Variants in HDLBP observed in about 807,000 individuals in gnomAD.
HDLBP encodes the protein high density lipoprotein binding protein.
A neutral mutation model predicts 137.3 loss-of-function variants in HDLBP; 30 were observed. The observed-to-expected ratio is 0.22, with a 90% CI of 0.16 to 0.30. The LOEUF (loss-of-function observed/expected upper bound fraction) is 0.30, where lower values mean the gene tolerates loss of function less well. Among genes scored for constraint, HDLBP ranks in the 10% least tolerant of loss-of-function variants. The pLI is 1.00. For missense variants in HDLBP, 1,119 were observed against 1,667.3 expected (o/e 0.67, Z 5.73); for synonymous variants, 606 against 596.0 (o/e 1.02, Z -0.24).
At chr2:241,231,537 T>C (rs2149321568) in intron 24 of HDLBP, among the ~76,000 whole-genome samples, 1 of 152,218 alleles carries the variant, frequency 6.6e-6, no homozygotes, top group South Asian at 2.1e-4. Context: ...CAGGCAAGAA[T>C]TCTGGACTCA....
chr2:241,270,802 G>A (rs956418138), intron 1 of HDLBP, among the ~76,000 whole-genome samples: 2 of 152,182 alleles, frequency 1.3e-5, no homozygotes, highest in Non-Finnish European at 2.9e-5. Context: ...CCAGGACAGC[G>A]CCAGGCAACT....
At chr2:241,298,282 C>T (rs985079030) in intron 1 of HDLBP, among the ~76,000 whole-genome samples, 72 of 151,944 alleles carry the variant, frequency 4.7e-4, no homozygotes, top group Non-Finnish European at 7.2e-4. Context: ...AGGAGAATCG[C>T]TTGAACCCGG....
At chr2:241,289,450 G>T (rs2074937716) in intron 1 of HDLBP, among the ~76,000 whole-genome samples, 1 of 152,152 alleles carries the variant, frequency 6.6e-6, no homozygotes, top group Admixed American at 6.5e-5. Context: ...ACGAATACAA[G>T]CACAACGTCC....
At chr2:241,309,489 G>A (rs1365964119) in intron 1 of HDLBP, among the ~76,000 whole-genome samples, 1 of 152,158 alleles carries the variant, frequency 6.6e-6, no homozygotes, top group East Asian at 1.9e-4. Context: ...AATACTGGAG[G>A]CTAGAAACTG....
At chr2:241,254,677 G>C (rs2072473990) in intron 9 of HDLBP, among the ~76,000 whole-genome samples, 1 of 151,950 alleles carries the variant, frequency 6.6e-6, no homozygotes, top group African/African-American at 2.4e-5. Context: ...GTAGAGTCGG[G>C]GTTTCACCAT....
At position 241,262,674 on chromosome 2, in the gene HDLBP, A is replaced by G. The variant is rs750855390; in HGVS notation, c.450+37T>C. The G allele has an allele frequency of 6.7e-6, 10 of 1,499,196 alleles. 1 individual carries two copies. Among genetic ancestry groups the G allele is most frequent in the Non-Finnish European group, 9.3e-6 (10 of 1,076,670 alleles). The allele number at this position is 1,499,196 out of a possible 1,614,324, so 92.9% of individuals were successfully genotyped here. A position where few individuals can be genotyped will look rare whatever the true frequency, so the allele number is the denominator to read the frequency against. On this transcript the variant is annotated intron_variant, in intron 5 of 27. Transcript: ENST00000310931. ...AGGAGCCGGGTAATGGAACGGGTAC[A>G]CAGTCACTGGGGAGAAGTAGGCCTC...
intron 16 of HDLBP, 83 bp downstream of exon 16, chr2:241,246,669 T>C: frequency 3.6e-6 from 5 of 1,383,886 alleles, no homozygotes; most frequent in Non-Finnish European, 5.0e-6. Flanking sequence ...CCAATGACCC[T>C]GCGTGACTCA....
At chr2:241,267,156 G>T (rs561710593) in intron 2 of HDLBP, among the ~76,000 whole-genome samples, 1 of 152,134 alleles carries the variant, frequency 6.6e-6, no homozygotes, top group Non-Finnish European at 1.5e-5. Flanking sequence ...GGGCCACAAT[G>T]CAAGAAGAAT....
intron 21 of HDLBP, among the ~76,000 whole-genome samples, chr2:241,235,858 G>C (rs917268180): frequency 2.0e-5 from 3 of 152,192 alleles, no homozygotes; most frequent in Non-Finnish European, 4.4e-5. Flanking sequence ...TCAGGCCCAC[G>C]TAGGAGGAGA....
intron 2 of HDLBP, chr2:241,267,983 C>T: frequency 1.4e-6 from 1 of 697,886 alleles, no homozygotes; most frequent in Non-Finnish European, 1.7e-6. Context: ...TGTTAGCTTC[C>T]TCTCCTTCCC....
At chr2:241,247,006 C>G in intron 15 of HDLBP, 50 bp downstream of exon 15, 5 of 1,562,194 alleles carry the variant, frequency 3.2e-6, no homozygotes, top group Non-Finnish European at 4.4e-6. Context: ...TGGTGCAGGG[C>G]TACAGAGGAC....
At position 241,272,762 on chromosome 2, in the gene HDLBP, C is replaced by T. The variant is rs2305077; in HGVS notation, c.-102-4221G>A. 52,198 of 308,434 alleles carry T rather than the reference C, an allele frequency of 0.17. 5,150 individuals are homozygous for T. Among genetic ancestry groups the T allele is most frequent in the East Asian group, 0.41 (2,203 of 5,428 alleles). The allele number at this position is 308,434 out of a possible 1,614,324, so 19.1% of individuals were successfully genotyped here. A position where few individuals can be genotyped will look rare whatever the true frequency, so the allele number is the denominator to read the frequency against. ...CCCAGCCCCGTGTTGCGCGCTCACTCGTGGGCCCCCGCCCGCTGGTCCTGC... is the reference window on the plus strand; with the variant it reads ...CCCAGCCCCGTGTTGCGCGCTCACTTGTGGGCCCCCGCCCGCTGGTCCTGC... On this transcript the variant is annotated intron_variant, in intron 1 of 27. Transcript: ENST00000310931. This position sits in a 1 kb window ranked among gnomAD's most constrained non-coding sequence, Gnocchi z 5.6.
rs376876733 is a variant in HDLBP, at chr2:241,229,976, C to T, written c.3592-15G>A. 38 of 1,587,724 alleles carry T rather than the reference C, an allele frequency of 2.4e-5. No homozygotes were observed. The African/African-American group carries it at 4.4e-4, about 19-fold the overall frequency. On this transcript the variant is annotated splice_polypyrimidine_tract_variant and intron_variant, in intron 26 of 27. Coordinates refer to ENST00000310931, the MANE Select transcript of HDLBP (RefSeq NM_005336.6). ...ACGTCAGCTAGCTGCAGGCAGAAGACAGGAAGACAGGGTCAGTCTGCCCAG... is the reference window on the plus strand; with the variant it reads ...ACGTCAGCTAGCTGCAGGCAGAAGATAGGAAGACAGGGTCAGTCTGCCCAG...
At chr2:241,313,736 G>A (rs1162315543) in intron 1 of HDLBP, among the ~76,000 whole-genome samples, 1 of 152,168 alleles carries the variant, frequency 6.6e-6, no homozygotes, top group East Asian at 1.9e-4. Flanking sequence ...GGAAAAATAC[G>A]TATTTACTCA....
At chr2:241,300,062 A>G (rs1284795396) in intron 1 of HDLBP, among the ~76,000 whole-genome samples, 1 of 151,038 alleles carries the variant, frequency 6.6e-6, no homozygotes, top group Non-Finnish European at 1.5e-5. Flanking sequence ...AAACTTCATA[A>G]AAGATTTTTT....
At chr2:241,290,746 T>C (rs1283937436) in intron 1 of HDLBP, among the ~76,000 whole-genome samples, 1 of 152,228 alleles carries the variant, frequency 6.6e-6, no homozygotes, top group Admixed American at 6.5e-5. Flanking sequence ...TGCATGTTTA[T>C]TATACCTCAA....
intron 1 of HDLBP, among the ~76,000 whole-genome samples, chr2:241,281,019 CTAAT>C (rs1227923974): frequency 6.6e-6 from 1 of 152,266 alleles, no homozygotes; most frequent in Middle Eastern, 3.4e-3. Flanking sequence ...TACTTAGAGC[CTAAT>C]TAAAGAACAT....
chr2:241,229,555 T>G lies in HDLBP; in HGVS notation c.*46A>C, dbSNP rs1409357069. On this transcript the variant is annotated 3_prime_UTR_variant, in exon 28 of 28. Transcript: ENST00000310931. ...AGATTGAGACAAACCATTGTGTGGT[T>G]GGGTTTGGGTCAGCAGGCTGGAGAG... 4.3e-6 allele frequency: 6 copies of G among 1,384,724 alleles called. No individual in the cohort carries two copies. Among genetic ancestry groups the G allele is most frequent in the Non-Finnish European group, 5.1e-6 (5 of 976,218 alleles). 85.8% of individuals were successfully genotyped at this position (1,384,724 alleles called of 1,614,324 possible).
At chr2:241,312,192 G>C (rs923134259) in intron 1 of HDLBP, among the ~76,000 whole-genome samples, 6 of 152,214 alleles carry the variant, frequency 3.9e-5, no homozygotes, top group Non-Finnish European at 7.3e-5. Context: ...GTAAGGGAGA[G>C]TATGTAGTCA....
Sources: gnomAD v4.1 joint callset for allele counts (sites outside exome capture counted in the v4.1 genomes callset) on GRCh38, gnomAD v4.1.1 for gene constraint, Gnocchi (gnomAD v3.1) non-coding constraint, MANE v1.5 for transcripts, NCBI Gene and HGNC (gene_info 2026-07-23, HGNC 2026-07-21) for gene names.